The following XXYLT1 variants were observed in gnomAD, a reference collection of about 807,000 sequenced individuals.
XXYLT1 encodes xyloside xylosyltransferase 1, also known as UDP-xylose:alpha-xyloside alpha-1,3-xylosyltransferase.
XXYLT1 carries 20 observed loss-of-function variants against 28.9 expected under a neutral mutation model. The observed-to-expected ratio is 0.69, with a 90% CI of 0.49 to 1.00. XXYLT1 has a LOEUF of 1.00. Among genes scored for constraint, XXYLT1 ranks in the 50% least tolerant of loss-of-function variants. The pLI is 0.00. For synonymous variants in XXYLT1, 257 were observed against 253.8 expected (o/e 1.01, Z -0.12); for missense variants, 542 against 560.1 (o/e 0.97, Z 0.33).
At position 195,240,552 on chromosome 3, in the gene XXYLT1, C is replaced by G. The variant is rs945644787; in HGVS notation, c.505-13696G>C. ...AAGAAGGCACGTGGCAAGGGCTGGC[C>G]CCACGCACGGAAAGATGCCAGGTTT... On this transcript the variant is annotated intron_variant, in intron 1 of 3. Transcript: ENST00000310380. The surrounding 1 kb of genome is among the most constrained non-coding windows in gnomAD (Gnocchi z 4.7). Among the ~76,000 whole-genome samples, 2 of 152,238 alleles carry G rather than the reference C, an allele frequency of 1.3e-5. No individual in the cohort carries two copies. The highest frequency in any genetic ancestry group is 2.9e-5 in the Non-Finnish European group (2 of 68,040).
rs563185788 is a variant in XXYLT1 at position 195,099,149 on chromosome 3, C to T, written c.786-29038G>A. 1.8e-3 allele frequency among the ~76,000 whole-genome samples: 280 copies of T among 152,318 alleles called. 1 individual carries two copies. The highest frequency in any genetic ancestry group is 6.1e-3 in the African/African-American group (252 of 41,578). ...GACAGACACCGCGTTCTCAAACAAC[C>T]GCTTGCTGTTGAAGAGGGTCTATTT... On this transcript the variant is annotated intron_variant, in intron 3 of 3. Coordinates refer to ENST00000310380, the MANE Select transcript of XXYLT1 (RefSeq NM_152531.5).
At position 195,255,283 on chromosome 3, in the gene XXYLT1, G is replaced by A. The variant is rs1038383017; in HGVS notation, c.504+15272C>T. On this transcript the variant is annotated intron_variant, in intron 1 of 3. Transcript: ENST00000310380. This position sits in a 1 kb window ranked among gnomAD's most constrained non-coding sequence, Gnocchi z 4.5. ...TGACAGTCACGGCAGGACTGGGGCT[G>A]CAGGAGTGCAGAGCCAGGTGGGAGA... Among the ~76,000 whole-genome samples, 4 of 152,200 alleles carry A rather than the reference G, an allele frequency of 2.6e-5. No homozygotes were observed. The highest frequency in any genetic ancestry group is 5.9e-5 in the Non-Finnish European group (4 of 68,018).
At chr3:195,199,892 A>G (rs1460212058) in intron 2 of XXYLT1, among the ~76,000 whole-genome samples, 1 of 152,202 alleles carries the variant, frequency 6.6e-6, no homozygotes, top group Non-Finnish European at 1.5e-5. Flanking sequence ...TTGGGAAACA[A>G]TGGTCTGTAA....
chr3:195,146,202 A>C (rs190965564), intron 3 of XXYLT1, among the ~76,000 whole-genome samples: 1 of 152,332 alleles, frequency 6.6e-6, no homozygotes, highest in East Asian at 1.9e-4. Context: ...GGTCACGCTC[A>C]GCTCAGTCCT....
At chr3:195,166,028 G>C (rs1264926141) in intron 2 of XXYLT1, among the ~76,000 whole-genome samples, 1 of 151,922 alleles carries the variant, frequency 6.6e-6, no homozygotes, top group South Asian at 2.1e-4. Flanking sequence ...AGTCTGATAA[G>C]AATGACACAG....
rs142698967 is a variant in XXYLT1, at chr3:195,195,078, G to GTT, written c.652+31629_652+31630dup. Among the ~76,000 whole-genome samples the GTT allele has an allele frequency of 3.4e-5, 5 of 146,078 alleles. No individual in the cohort carries two copies. The highest frequency in any genetic ancestry group is 7.4e-5 in the Non-Finnish European group (5 of 67,170). ...ATAAACTGTACCTCAACAAAGCTGG[G>GTT]TTTTTTTTTTAAAAGGACAATGTAC... On this transcript the variant is annotated intron_variant, in intron 2 of 3. Coordinates refer to ENST00000310380, the MANE Select transcript of XXYLT1 (RefSeq NM_152531.5). The surrounding 1 kb of genome is among the most constrained non-coding windows in gnomAD (Gnocchi z 4.4).
At chr3:195,249,357 G>A (rs1725160777) in intron 1 of XXYLT1, among the ~76,000 whole-genome samples, 2 of 152,178 alleles carry the variant, frequency 1.3e-5, no homozygotes, top group South Asian at 4.1e-4. Flanking sequence ...ACAGGCATAG[G>A]GCTCACATCA....
chr3:195,159,959 A>G (rs1720789108), intron 2 of XXYLT1, among the ~76,000 whole-genome samples: 2 of 152,118 alleles, frequency 1.3e-5, no homozygotes, highest in African/African-American at 2.4e-5. Flanking sequence ...CTCCCAGGAC[A>G]TGCTTGGGCC....
chr3:195,169,170 T>A (rs1202993192), intron 2 of XXYLT1, among the ~76,000 whole-genome samples: 1 of 152,214 alleles, frequency 6.6e-6, no homozygotes, highest in Non-Finnish European at 1.5e-5. Context: ...GTCGCAGCAG[T>A]CCCTGCTGGC....
rs1723274564 is a variant in XXYLT1 at position 195,210,659 on chromosome 3, T to TAAA, written c.652+16049_652+16050insTTT. Among the ~76,000 whole-genome samples the TAAA allele has an allele frequency of 6.6e-6, 1 of 152,244 alleles. No individual in the cohort carries two copies. The highest frequency in any genetic ancestry group is 1.5e-5 in the Non-Finnish European group (1 of 68,044). On this transcript the variant is annotated intron_variant, in intron 2 of 3. Coordinates refer to ENST00000310380, the MANE Select transcript of XXYLT1 (RefSeq NM_152531.5). This position sits in a 1 kb window ranked among gnomAD's most constrained non-coding sequence, Gnocchi z 4.8. The stretch of plus-strand genomic sequence containing the variant: ...TTAGTAGAAAATGGTCTCTACCACG[T>TAAA]TACTATTTTTAGCATTTTATGACAA...
intron 3 of XXYLT1, among the ~76,000 whole-genome samples, chr3:195,125,517 C>A (rs1718571823): frequency 6.6e-6 from 1 of 152,084 alleles, no homozygotes; most frequent in Non-Finnish European, 1.5e-5. Flanking sequence ...TGGGGGTGGG[C>A]AATGGGGAAG....
At chr3:195,253,503 C>CTTTTTT in intron 1 of XXYLT1, among the ~76,000 whole-genome samples, 2 of 130,240 alleles carry the variant, frequency 1.5e-5, no homozygotes, top group Non-Finnish European at 3.3e-5. Flanking sequence ...CTTTTTTTTT[C>CTTTTTT]TTTTTTTTTT....
chr3:195,184,044 G>C (rs984972034), intron 2 of XXYLT1, among the ~76,000 whole-genome samples: 1 of 152,198 alleles, frequency 6.6e-6, no homozygotes, highest in Non-Finnish European at 1.5e-5. Context: ...AAGAGAAAGA[G>C]AAAAGACACA....
intron 3 of XXYLT1, among the ~76,000 whole-genome samples, chr3:195,135,077 CAGAA>C (rs1040034894): frequency 5.3e-5 from 8 of 152,136 alleles, no homozygotes; most frequent in Non-Finnish European, 1.2e-4. Flanking sequence ...GTTTAATAGA[CAGAA>C]AGACATTCTA....
Position 195,095,563 on chromosome 3 carries a change from G to A in XXYLT1, c.786-25452C>T, listed in dbSNP as rs76257854. ...TGCTCATGTGTGGTGTTGGGGAAAGGGGTCGTTCAGGTCACACTGGTGGGC... is the reference window on the plus strand; with the variant it reads ...TGCTCATGTGTGGTGTTGGGGAAAGAGGTCGTTCAGGTCACACTGGTGGGC... On this transcript the variant is annotated intron_variant, in intron 3 of 3. Coordinates refer to ENST00000310380, the MANE Select transcript of XXYLT1 (RefSeq NM_152531.5). The A allele has an allele frequency of 8.3e-3, 1,273 of 154,068 alleles. 21 individuals carry two copies. The highest frequency in any genetic ancestry group is 0.029 in the African/African-American group (1,201 of 41,588). The allele number at this position is 154,068 out of a possible 1,614,324, so 9.5% of individuals were successfully genotyped here. A position where few individuals can be genotyped will look rare whatever the true frequency, so the allele number is the denominator to read the frequency against.
intron 3 of XXYLT1, chr3:195,085,863 A>C (rs1577007708): frequency 6.6e-6 from 1 of 150,744 alleles, no homozygotes. Flanking sequence ...CTCCTCCCCC[A>C]CCCCGAGGCT....
intron 2 of XXYLT1, among the ~76,000 whole-genome samples, chr3:195,187,935 A>G (rs901106980): frequency 6.6e-6 from 1 of 152,158 alleles, no homozygotes; most frequent in Non-Finnish European, 1.5e-5. Flanking sequence ...TTTTTAAAAA[A>G]GTAAATCCCT....
At chr3:195,184,567 A>G in intron 2 of XXYLT1, 17 of 975,430 alleles carry the variant, frequency 1.7e-5, no homozygotes, top group Non-Finnish European at 1.9e-5. Context: ...GTTTAAGAAA[A>G]TCCTCAAAAT....
At chr3:195,114,080 C>T (rs1030364675) in intron 3 of XXYLT1, among the ~76,000 whole-genome samples, 1 of 152,174 alleles carries the variant, frequency 6.6e-6, no homozygotes, top group Non-Finnish European at 1.5e-5. Flanking sequence ...GAGTGCCAGA[C>T]CCCTGGGTTG....
Sources: gnomAD v4.1 joint callset for allele counts (sites outside exome capture counted in the v4.1 genomes callset) on GRCh38, gnomAD v4.1.1 for gene constraint, Gnocchi (gnomAD v3.1) non-coding constraint, MANE v1.5 for transcripts, NCBI Gene and HGNC (gene_info 2026-07-23, HGNC 2026-07-21) for gene names.